ACOXL: variants seen among roughly 807,000 people sequenced by gnomAD.
ACOXL encodes acyl-coenzyme A oxidase-like protein.
In ACOXL, 70 loss-of-function variants were observed where a neutral mutation model predicts 71.9. That is an observed-to-expected ratio of 0.97 (90% confidence interval 0.80 to 1.19). ACOXL has a LOEUF of 1.19. ACOXL is among the 50% of genes most tolerant of loss of function. The pLI is 0.00. For missense variants in ACOXL, 703 were observed against 736.3 expected (o/e 0.95, Z 0.52); for synonymous variants, 253 against 281.6 (o/e 0.90, Z 1.02).
chr2:110,979,435 C>T (rs954210227), intron 12 of ACOXL, among the ~76,000 whole-genome samples: 37 of 152,312 alleles, frequency 2.4e-4, no homozygotes, highest in Admixed American at 2.1e-3. Flanking sequence ...AGCTGAATTC[C>T]TCATAGGTCC....
At chr2:110,908,532 C>G (rs2059539902) in intron 10 of ACOXL, among the ~76,000 whole-genome samples, 1 of 152,162 alleles carries the variant, frequency 6.6e-6, no homozygotes, top group Admixed American at 6.5e-5. Flanking sequence ...AAAAATTACT[C>G]TGGTGTTAGA....
chr2:110,803,387 T>C (rs1229142735), intron 8 of ACOXL, among the ~76,000 whole-genome samples: 2 of 152,336 alleles, frequency 1.3e-5, no homozygotes, highest in East Asian at 3.9e-4. Context: ...TCAATTAATA[T>C]TCCACTGCAG....
intron 2 of ACOXL, among the ~76,000 whole-genome samples, chr2:110,771,528 G>A (rs1681929626): frequency 1.3e-5 from 2 of 152,144 alleles, no homozygotes; most frequent in Non-Finnish European, 2.9e-5. Context: ...TTCACTCCAG[G>A]TCTCTATGGA....
chr2:110,814,534 A>G (rs1380680929), intron 9 of ACOXL, among the ~76,000 whole-genome samples: 6 of 152,186 alleles, frequency 3.9e-5, no homozygotes, highest in South Asian at 2.1e-4. Context: ...AATTTTAAAA[A>G]GTGAACTGGG....
intron 16 of ACOXL, among the ~76,000 whole-genome samples, chr2:111,077,081 A>G (rs553440767): frequency 6.6e-6 from 1 of 152,306 alleles, no homozygotes; most frequent in African/African-American, 2.4e-5. Context: ...ATATTTGCAG[A>G]TTTCAGGAAT....
chr2:110,922,874 C>A lies in ACOXL; in HGVS notation c.906-10615C>A, dbSNP rs149848542. Among the ~76,000 whole-genome samples, 51 of 152,296 alleles carry A rather than the reference C, an allele frequency of 3.3e-4. No individual in the cohort carries two copies. The East Asian group carries it at 8.3e-3, about 25-fold the overall frequency. ...GAATGCCGCATTGAACAGGACAGAT[C>A]GACACTTGCCTTCACCAGCTGTCAG... On this transcript the variant is annotated intron_variant, in intron 11 of 17. Coordinates refer to ENST00000439055, the MANE Select transcript of ACOXL (RefSeq NM_001142807.4).
chr2:111,003,014 A>G (rs1226547723), intron 14 of ACOXL, among the ~76,000 whole-genome samples: 1 of 152,230 alleles, frequency 6.6e-6, no homozygotes, highest in Non-Finnish European at 1.5e-5. Flanking sequence ...GGTCCATTGT[A>G]AAATATCTAC....
chr2:110,795,282 T>C (rs1419608799), intron 5 of ACOXL, among the ~76,000 whole-genome samples: 1 of 152,152 alleles, frequency 6.6e-6, no homozygotes, highest in African/African-American at 2.4e-5. Flanking sequence ...CGGGGTGTAT[T>C]GGAGGATGCC....
At chr2:110,943,511 C>T (rs2060976072) in intron 12 of ACOXL, among the ~76,000 whole-genome samples, 1 of 152,128 alleles carries the variant, frequency 6.6e-6, no homozygotes, top group South Asian at 2.1e-4. Flanking sequence ...CCTGGAGCAC[C>T]TGGGGAAGCT....
At chr2:110,888,444 A>G (rs1348052155) in intron 10 of ACOXL, among the ~76,000 whole-genome samples, 1 of 152,222 alleles carries the variant, frequency 6.6e-6, no homozygotes, top group African/African-American at 2.4e-5. Flanking sequence ...GTGTTGCTCC[A>G]TAAATCCTCA....
At chr2:111,106,430 T>C (rs1300391962) in intron 17 of ACOXL, among the ~76,000 whole-genome samples, 3 of 152,208 alleles carry the variant, frequency 2.0e-5, no homozygotes, top group Non-Finnish European at 4.4e-5. Context: ...TTTTTTTTCA[T>C]TGATTTCAAG....
chr2:110,922,867 G>T (rs2060130491), intron 11 of ACOXL, among the ~76,000 whole-genome samples: 1 of 152,136 alleles, frequency 6.6e-6, no homozygotes, highest in Non-Finnish European at 1.5e-5. Context: ...CATTGAACAG[G>T]ACAGATCGAC....
chr2:110,762,596 T>A (rs184336194), intron 1 of ACOXL, among the ~76,000 whole-genome samples: 1 of 152,332 alleles, frequency 6.6e-6, no homozygotes, highest in Non-Finnish European at 1.5e-5. Flanking sequence ...GAGTGAAGTA[T>A]AGAAACCTAA....
rs113536347 is a variant in ACOXL, at chr2:110,994,345, A to C, written c.1170-1548A>C. On this transcript the variant is annotated intron_variant, in intron 13 of 17. Transcript: ENST00000439055. ...ACTTTCCTCTTCCCTGTCTAAATGG[A>C]GGGTGATTATTAATTCAGCACTTGG... 4.2e-3 allele frequency among the ~76,000 whole-genome samples: 633 copies of C among 152,260 alleles called. 9 individuals carry two copies. Among genetic ancestry groups the C allele is most frequent in the African/African-American group, 0.015 (610 of 41,554 alleles).
At chr2:111,096,432 G>A (rs1351956989) in intron 17 of ACOXL, among the ~76,000 whole-genome samples, 10 of 151,662 alleles carry the variant, frequency 6.6e-5, no homozygotes, top group Non-Finnish European at 2.9e-5. Context: ...TAGTAGAGAC[G>A]GGGTTTCACC....
chr2:110,764,680 C>CA (rs1680821514), intron 1 of ACOXL, among the ~76,000 whole-genome samples: 1 of 152,148 alleles, frequency 6.6e-6, no homozygotes, highest in Non-Finnish European at 1.5e-5. Context: ...GTACGTTCAT[C>CA]AGCTGTAACA....
chr2:111,062,916 G>A (rs1037526876), intron 16 of ACOXL, among the ~76,000 whole-genome samples: 2 of 152,050 alleles, frequency 1.3e-5, no homozygotes, highest in Non-Finnish European at 2.9e-5. Context: ...CAACCCTCTG[G>A]CAAGACTAAC....
intron 12 of ACOXL, among the ~76,000 whole-genome samples, chr2:110,950,836 G>GAGAGAGAGAGAGAGAGAGAGAGAGA (rs2061306410): frequency 1.0e-5 from 1 of 95,710 alleles, no homozygotes; most frequent in Admixed American, 1.0e-4. Context: ...AGAGAGAGAG[G>GAGAGAGAGAGAGAGAGAGAGAGAGA]GAAGTTCTGG....
intron 9 of ACOXL, among the ~76,000 whole-genome samples, chr2:110,818,406 A>C (rs1253308301): frequency 1.4e-5 from 2 of 146,278 alleles, no homozygotes; most frequent in African/African-American, 2.6e-5. Context: ...AAAAAAAAAA[A>C]AAACATATAT....
Sources: allele counts gnomAD v4.1 joint callset (sites outside exome capture counted in the v4.1 genomes callset), GRCh38; gene constraint gnomAD v4.1.1; transcripts MANE v1.5; gene names NCBI Gene and HGNC (gene_info 2026-07-23, HGNC 2026-07-21).